Variants in NRL observed in about 807,000 individuals in gnomAD.
The protein encoded by NRL is neural retina leucine zipper.
Under a neutral mutation model 12.5 loss-of-function variants are expected in NRL, and 16 were observed. That is an observed-to-expected ratio of 1.28 (90% CI 0.87 to 1.95). NRL has a LOEUF of 1.95. Among genes scored for constraint, NRL ranks in the 30% most tolerant of loss-of-function variants. NRL has a pLI of 0.00. For missense variants in NRL, 314 were observed against 325.8 expected, an observed-to-expected ratio of 0.96 and a Z score of 0.28; for synonymous variants, 142 against 150.9, an observed-to-expected ratio of 0.94 and a Z score of 0.43.
At chr14:24,102,715 G>C in intron 1 of NRL, 1 of 1,584,564 alleles carries the variant, frequency 6.3e-7, no homozygotes, top group East Asian at 2.2e-5. Flanking sequence ...GGGTCGACAT[G>C]ACCTTGGAAA....
At chr14:24,101,756 C>T (rs188627370) in intron 1 of NRL, among the ~76,000 whole-genome samples, 1 of 152,098 alleles carries the variant, frequency 6.6e-6, no homozygotes, top group East Asian at 1.9e-4. Context: ...ACCCCGTCTC[C>T]AATAAAATAC....
chr14:24,086,843 C>T (rs2036478671), intron 1 of NRL, among the ~76,000 whole-genome samples: 1 of 152,166 alleles, frequency 6.6e-6, no homozygotes, highest in South Asian at 2.1e-4. Context: ...TCAGACCAGG[C>T]ACCACTAAAC....
In NRL at chr14:24,081,225, C is replaced by T; in HGVS notation, c.*11G>A. On this transcript the variant is annotated 3_prime_UTR_variant, in exon 3 of 3. Coordinates refer to ENST00000561028, the MANE Select transcript of NRL (RefSeq NM_001354768.3). This position sits in a 1 kb window ranked among gnomAD's most constrained non-coding sequence, Gnocchi z 4.4. Reference sequence around the variant, plus strand: ...CCAGCCCCCACTACACCACAAGGTGCTCTGAACGGCTCAGAGGAAGAGGTG... The same window carrying T: ...CCAGCCCCCACTACACCACAAGGTGTTCTGAACGGCTCAGAGGAAGAGGTG... 2.7e-6 allele frequency: 4 copies of T among 1,467,032 alleles called. No homozygotes were observed. The highest frequency in any genetic ancestry group is 2.7e-6 in the Non-Finnish European group (3 of 1,106,200). 90.9% of individuals were successfully genotyped at this position (1,467,032 alleles called of 1,614,324 possible).
chr14:24,092,016 C>T (rs983664172), intron 1 of NRL, among the ~76,000 whole-genome samples: 15 of 151,956 alleles, frequency 9.9e-5, no homozygotes, highest in Admixed American at 3.3e-4. Flanking sequence ...TTAGGGTGAC[C>T]GAGCAAATGA....
chr14:24,097,006 A>G (rs1322107732), intron 1 of NRL: 2 of 1,613,706 alleles, frequency 1.2e-6, no homozygotes, highest in Non-Finnish European at 1.7e-6. Flanking sequence ...GAGATTTTGT[A>G]GAGCACAGTG....
rs774679033 is a variant in NRL, at chr14:24,081,186, C to A, written c.*50G>T. ...GAGAACCGTGCAGCCGCCTCCTGGG[C>A]GGAGCCACCCCACCCAGCCCCCACT... On this transcript the variant is annotated 3_prime_UTR_variant, in exon 3 of 3. Coordinates refer to ENST00000561028, the MANE Select transcript of NRL (RefSeq NM_001354768.3). This position sits in a 1 kb window ranked among gnomAD's most constrained non-coding sequence, Gnocchi z 4.4. 4 of 1,283,788 alleles carry A rather than the reference C, an allele frequency of 3.1e-6. No homozygotes were observed. Among genetic ancestry groups the A allele is most frequent in the South Asian group, 4.0e-5 (2 of 50,308 alleles). 79.5% of individuals were successfully genotyped at this position (1,283,788 alleles called of 1,614,324 possible).
chr14:24,081,690 AG>A lies in NRL; in HGVS notation c.382-123del. 1 of 1,526,400 alleles carries A rather than the reference AG, an allele frequency of 6.6e-7. No homozygotes were observed. The allele number at this position is 1,526,400 out of a possible 1,614,324, so 94.6% of individuals were successfully genotyped here. On this transcript the variant is annotated intron_variant, in intron 2 of 2. Coordinates refer to ENST00000561028, the MANE Select transcript of NRL (RefSeq NM_001354768.3). This position sits in a 1 kb window ranked among gnomAD's most constrained non-coding sequence, Gnocchi z 4.4. ...CGCCCCGGCTCCCACCTTCACCGGA[AG>A]GCTCGCCCTTCCACGCAGTCTGTTT...
chr14:24,095,757 C>T (rs1192754105), intron 1 of NRL, among the ~76,000 whole-genome samples: 2 of 152,224 alleles, frequency 1.3e-5, no homozygotes, highest in African/African-American at 2.4e-5. Flanking sequence ...TCAGAGCAGA[C>T]GTTGCTTCTC....
chr14:24,110,273 T>C (rs749159203), intron 1 of NRL: 2 of 317,058 alleles, frequency 6.3e-6, no homozygotes, highest in South Asian at 4.2e-5. Flanking sequence ...CAGCTCAATT[T>C]TGTTTTTGTA....
At chr14:24,103,976 A>C (rs1347765044) in intron 1 of NRL, 1 of 1,603,144 alleles carries the variant, frequency 6.2e-7, no homozygotes. Context: ...CTGAGGCCCT[A>C]GTCTAGCAAG....
rs952228139 is a variant in NRL at position 24,089,273 on chromosome 14, G to A, written c.-27-6398C>T. On this transcript the variant is annotated intron_variant, in intron 1 of 2. Coordinates refer to ENST00000561028, the MANE Select transcript of NRL (RefSeq NM_001354768.3). ...TTTTAATCTTTTTTTTTTGAGACAG[G>A]GTCTCGCTCTGTTACCCAGGCTGGA... is the stretch of plus-strand genomic sequence containing the variant. Among the ~76,000 whole-genome samples, 2 of 150,408 alleles carry A rather than the reference G, an allele frequency of 1.3e-5. 1 individual carries two copies. Among genetic ancestry groups the A allele is most frequent in the Non-Finnish European group, 3.0e-5 (2 of 67,558 alleles).
chr14:24,082,388 T>C, intron 2 of NRL, 80 bp downstream of exon 2: 1 of 1,577,348 alleles, frequency 6.3e-7, no homozygotes, highest in South Asian at 1.1e-5. Flanking sequence ...CATAACCCCC[T>C]CTGGGAGCTC....
chr14:24,104,023 C>A, intron 1 of NRL: 1 of 1,266,666 alleles, frequency 7.9e-7, no homozygotes, highest in Non-Finnish European at 1.1e-6. Flanking sequence ...AGGGAAGGCA[C>A]CTTGCAGAAA....
At chr14:24,091,748 T>A (rs1457213630) in intron 1 of NRL, among the ~76,000 whole-genome samples, 1 of 152,274 alleles carries the variant, frequency 6.6e-6, no homozygotes, top group East Asian at 1.9e-4. Flanking sequence ...TTTATTTGTA[T>A]GTACTTGTGG....
intron 1 of NRL, chr14:24,103,327 A>AC: frequency 7.5e-7 from 1 of 1,333,862 alleles, no homozygotes; most frequent in Non-Finnish European, 1.1e-6. Flanking sequence ...CCTGAGCCAG[A>AC]CCTTCCTTTT....
In NRL at chr14:24,083,823, T is replaced by C. The variant is rs1428287052; in HGVS notation, c.-27-948A>G. Among the ~76,000 whole-genome samples the C allele has an allele frequency of 9.2e-5, 14 of 152,202 alleles. 1 individual carries two copies. The highest frequency in any genetic ancestry group is 8.5e-4 in the Admixed American group (13 of 15,280). On this transcript the variant is annotated intron_variant, in intron 1 of 2. Transcript: ENST00000561028. Reference sequence around the variant, plus strand: ...CACAAGAGCATATTAACCTGAGCAATCCTTTAGTAAACCGTCTGTTCAAGT... The same window carrying C: ...CACAAGAGCATATTAACCTGAGCAACCCTTTAGTAAACCGTCTGTTCAAGT...
rs936866130 is a variant in NRL, at chr14:24,079,718, TTTA to T, written c.*1515_*1517del. On this transcript the variant is annotated 3_prime_UTR_variant, in exon 3 of 3. Transcript: ENST00000561028. ...CCCCCATGCCCGAAAGCTTCTCCCA[TTTA>T]TTATGTCCGGTAGAGGACAGATGAC... 1.3e-5 allele frequency among the ~76,000 whole-genome samples: 2 copies of T among 152,118 alleles called. No individual in the cohort carries two copies. Among genetic ancestry groups the T allele is most frequent in the Non-Finnish European group, 2.9e-5 (2 of 68,010 alleles).
In NRL at chr14:24,094,048, C is replaced by A; in HGVS notation, c.-27-11173G>T. The A allele has an allele frequency of 3.7e-6, 2 of 538,120 alleles. No individual in the cohort carries two copies. The highest frequency in any genetic ancestry group is 6.5e-6 in the Non-Finnish European group (2 of 307,152). The allele number at this position is 538,120 out of a possible 1,614,324, so 33.3% of individuals were successfully genotyped here. ...AGAGTCCTCAAAGTTACATCATGTG[C>A]GGCTGGGAGGGCGGTGGCGGATGGG... On this transcript the variant is annotated intron_variant, in intron 1 of 2. Transcript: ENST00000561028. The surrounding 1 kb of genome is among the most constrained non-coding windows in gnomAD (Gnocchi z 4.1).
chr14:24,081,061 T>G lies in NRL; in HGVS notation c.*175A>C. On this transcript the variant is annotated 3_prime_UTR_variant, in exon 3 of 3. Transcript: ENST00000561028. This position sits in a 1 kb window ranked among gnomAD's most constrained non-coding sequence, Gnocchi z 4.4. ...ACCCCTCTCCAGAAAATGACCAGCA[T>G]CTAAATTCGGGCATGACTTGAGGAC... 2.4e-6 allele frequency: 1 copy of G among 423,016 alleles called. No individual in the cohort carries two copies. Among genetic ancestry groups the G allele is most frequent in the Non-Finnish European group, 4.0e-6 (1 of 247,620 alleles). 26.2% of individuals were successfully genotyped at this position (423,016 alleles called of 1,614,324 possible).
Sources: gnomAD v4.1 joint callset for allele counts (sites outside exome capture counted in the v4.1 genomes callset) on GRCh38, gnomAD v4.1.1 for gene constraint, Gnocchi (gnomAD v3.1) non-coding constraint, MANE v1.5 for transcripts, NCBI Gene and HGNC (gene_info 2026-07-23, HGNC 2026-07-21) for gene names.